Variants in PIK3CG observed in about 807,000 individuals in gnomAD.
PIK3CG encodes phosphatidylinositol 4,5-bisphosphate 3-kinase catalytic subunit gamma isoform.
Under a neutral mutation model 102.3 loss-of-function variants are expected in PIK3CG, and 55 were observed. The observed-to-expected ratio is 0.54, with a 90% CI of 0.43 to 0.67. PIK3CG has a LOEUF of 0.67. Ranked by LOEUF, PIK3CG falls within the 30% of genes least tolerant of loss-of-function variation. The probability of loss-of-function intolerance (pLI) is 0.00; values close to 1 mark genes in which losing one functional copy is unlikely to be tolerated. For missense variants in PIK3CG, 1,258 were observed against 1,391.8 expected, an observed-to-expected ratio of 0.90 and a Z score of 1.53; for synonymous variants, 552 against 540.0, an observed-to-expected ratio of 1.02 and a Z score of -0.31.
At chr7:106,881,692 C>CA (rs1041704289) in intron 6 of PIK3CG, among the ~76,000 whole-genome samples, 6 of 151,578 alleles carry the variant, frequency 4.0e-5, no homozygotes, top group Non-Finnish European at 5.9e-5. Flanking sequence ...ACTAAAAATA[C>CA]AAAAAAAATT....
rs1013668788 is a variant in PIK3CG, at chr7:106,899,309, C to T, written c.3031-5800C>T. Among the ~76,000 whole-genome samples, 1 of 152,140 alleles carries T rather than the reference C, an allele frequency of 6.6e-6. No individual in the cohort carries two copies. Among genetic ancestry groups the T allele is most frequent in the African/African-American group, 2.4e-5 (1 of 41,432 alleles). On this transcript the variant is annotated intron_variant, in intron 10 of 10. Transcript: ENST00000496166. This position sits in a 1 kb window ranked among gnomAD's most constrained non-coding sequence, Gnocchi z 4.6. Reference sequence around the variant, plus strand: ...GATATAAAATCATGTCATCTGCAAACAAAGATAGTTTGACTTCCTTTCTTC... The same window carrying T: ...GATATAAAATCATGTCATCTGCAAATAAAGATAGTTTGACTTCCTTTCTTC...
intron 10 of PIK3CG, among the ~76,000 whole-genome samples, chr7:106,898,693 G>A (rs1413478231): frequency 6.6e-6 from 1 of 152,104 alleles, no homozygotes; most frequent in East Asian, 1.9e-4. Context: ...AGTCATAGAT[G>A]TGTGGCCTTA....
At chr7:106,889,860 T>C (rs938460958) in intron 10 of PIK3CG, among the ~76,000 whole-genome samples, 3 of 152,166 alleles carry the variant, frequency 2.0e-5, no homozygotes, top group Non-Finnish European at 4.4e-5. Context: ...TATAATTAGA[T>C]AGAGAAACAC....
chr7:106,882,144 G>A lies in PIK3CG; in HGVS notation c.2566G>A (p.Glu856Lys), dbSNP rs2116537436. ...TCTACGAATCATGGAGTCTATTTGGGAGACTGAATCTTTGGATCTATGCCT... is the reference window on the plus strand; with the variant it reads ...TCTACGAATCATGGAGTCTATTTGGAAGACTGAATCTTTGGATCTATGCCT... ...QILRIMESIWETESLDLCLLP... is the reference protein window; with the variant it reads ...QILRIMESIWKTESLDLCLLP... The change falls in exon 7 of 11, where the codon GAG becomes AAG. Residue 856 changes from glutamate to lysine, a missense_variant. Glu to Lys is a moderately conservative substitution (Grantham distance 56). Coordinates refer to ENST00000496166, the MANE Select transcript of PIK3CG (RefSeq NM_001282426.2). 1 of 1,567,852 alleles carries A rather than the reference G, an allele frequency of 6.4e-7. No homozygotes were observed. Among genetic ancestry groups the A allele is most frequent in the Non-Finnish European group, 8.6e-7 (1 of 1,156,160 alleles).
In PIK3CG at chr7:106,868,665, T is replaced by G; in HGVS notation, c.1104T>G (p.Ile368Met). The change falls in exon 2 of 11, where the codon ATT (isoleucine) becomes ATG (methionine). Residue 368 changes from isoleucine to methionine, a missense_variant. By Grantham distance (10) the Ile-to-Met change is conservative. Around this residue, in one of 2 missense-constraint regions of PIK3CG, gnomAD observed 832 missense variants for 787.5 expected, o/e 1.06. Coordinates refer to ENST00000496166, the MANE Select transcript of PIK3CG (RefSeq NM_001282426.2). This position sits in a 1 kb window ranked among gnomAD's most constrained non-coding sequence, Gnocchi z 6.2. ...AGTTCAGGGTCAAGATCAGAGGCAT[T>G]GATATCCCCGTCCTGCCTCGGAACA... The part of the protein sequence containing the change: ...DRKFRVKIRG[I>M]DIPVLPRNTD... 6.2e-7 allele frequency: 1 copy of G among 1,614,226 alleles called. No homozygotes were observed. Among genetic ancestry groups the G allele is most frequent in the South Asian group, 1.1e-5 (1 of 91,086 alleles).
chr7:106,874,784 T>G lies in PIK3CG; in HGVS notation c.2372T>G (p.Leu791Arg). The change falls in exon 5 of 11, where the codon CTG becomes CGG. Residue 791 changes from leucine (L) to arginine (R), a missense_variant. Leu to Arg is a moderately radical substitution (Grantham distance 102, BLOSUM62 -2). Around this residue, in one of 2 missense-constraint regions of PIK3CG, gnomAD observed 426 missense variants for 604.2 expected, o/e 0.71. Transcript: ENST00000496166. This position sits in a 1 kb window ranked among gnomAD's most constrained non-coding sequence, Gnocchi z 4.3. ...TTTAGAGTTCCATATGATCCTGGAC[T>G]GAAAGCAGGAGCGCTGGCAGTAGGT... is the stretch of plus-strand genomic sequence containing the variant. Reference protein sequence around the residue: ...ESFRVPYDPGLKAGALAIEKC... With the variant: ...ESFRVPYDPGRKAGALAIEKC... The G allele has an allele frequency of 6.2e-7, 1 of 1,612,866 alleles. No individual in the cohort carries two copies. The highest frequency in any genetic ancestry group is 1.1e-5 in the South Asian group (1 of 90,984).
rs952660801 is a variant in PIK3CG at position 106,867,610 on chromosome 7, T to C, written c.49T>C (p.Cys17Arg). 1 of 1,608,460 alleles carries C rather than the reference T, an allele frequency of 6.2e-7. No homozygotes were observed. The highest frequency in any genetic ancestry group is 2.2e-5 in the East Asian group (1 of 44,820). ...KQPVVLREDNCRRRRRMKPRS... is the reference protein window; with the variant it reads ...KQPVVLREDNRRRRRRMKPRS... ...GCCCGTGGTGCTGAGAGAGGACAACTGCCGAAGGCGCCGGAGGATGAAGCC... is the reference window on the plus strand; with the variant it reads ...GCCCGTGGTGCTGAGAGAGGACAACCGCCGAAGGCGCCGGAGGATGAAGCC... Residue 17 changes from cysteine (C) to arginine (R), a missense_variant, in exon 2 of 11, where the codon TGC becomes CGC. By Grantham distance (180) the Cys-to-Arg change is radical. Around this residue, in one of 2 missense-constraint regions of PIK3CG, gnomAD observed 832 missense variants for 787.5 expected, o/e 1.06. Coordinates refer to ENST00000496166, the MANE Select transcript of PIK3CG (RefSeq NM_001282426.2). The surrounding 1 kb of genome is among the most constrained non-coding windows in gnomAD (Gnocchi z 5.1).
rs982301440 is a variant in PIK3CG, at chr7:106,867,813, G to T, written c.252G>T (p.Ala84=). 6.2e-7 allele frequency: 1 copy of T among 1,612,466 alleles called. No homozygotes were observed. Among genetic ancestry groups the T allele is most frequent in the Non-Finnish European group, 8.5e-7 (1 of 1,179,938 alleles). The change falls in exon 2 of 11, where the codon GCG becomes GCT. Residue 84 remains alanine, a synonymous_variant. Coordinates refer to ENST00000496166, the MANE Select transcript of PIK3CG (RefSeq NM_001282426.2). This position sits in a 1 kb window ranked among gnomAD's most constrained non-coding sequence, Gnocchi z 5.1. ...TGCGAGCGCTGGAGACCAGCGTGGC[G>T]GCGGACTTCTACCACCGGCTGGGAC... ...VWLRALETSV[A]ADFYHRLGPH...
chr7:106,867,936 G>C lies in PIK3CG; in HGVS notation c.375G>C (p.Trp125Cys). The C allele has an allele frequency of 6.2e-7, 1 of 1,613,260 alleles. No homozygotes were observed. The highest frequency in any genetic ancestry group is 8.5e-7 in the Non-Finnish European group (1 of 1,179,958). Residue 125 changes from tryptophan (W) to cysteine (C), a missense_variant, in exon 2 of 11, where the codon TGG becomes TGC. Physicochemically the swap from Trp to Cys is radical, Grantham distance 215. This residue lies in a region of PIK3CG where 832 missense variants were observed against 787.5 expected (regional missense o/e 1.06). Coordinates refer to ENST00000496166, the MANE Select transcript of PIK3CG (RefSeq NM_001282426.2). The surrounding 1 kb of genome is among the most constrained non-coding windows in gnomAD (Gnocchi z 5.1). ...VVQTLDCLRY[W>C]KATHRSPGQI... ...AGACTCTGGACTGCCTGCGCTACTG[G>C]AAGGCCACGCACCGGAGCCCGGGCC...
In PIK3CG at chr7:106,886,262, GAAGAC is replaced by G. The variant is rs1293028738; in HGVS notation, c.3004_3008del (p.Thr1002ProfsTer12). The stretch of plus-strand genomic sequence containing the variant: ...TCTTTGTGATGGGAACTTCTGGAAA[GAAGAC>G]AAGCCCACACTTCCAGAAATTTCAG... On this transcript the variant is annotated frameshift_variant, in exon 10 of 11. Transcript: ENST00000496166. LOFTEE classifies it high-confidence loss of function. 6.2e-7 allele frequency: 1 copy of G among 1,614,118 alleles called. No individual in the cohort carries two copies. Among genetic ancestry groups the G allele is most frequent in the Non-Finnish European group, 8.5e-7 (1 of 1,180,010 alleles).
In PIK3CG at chr7:106,905,630, G is replaced by T; in HGVS notation, c.*243G>T. Reference sequence around the variant, plus strand: ...TTTTTTCTCATTTGTCTGTGGCATTGGAGAATATTCTCGGTTTAAACAGAC... The same window carrying T: ...TTTTTTCTCATTTGTCTGTGGCATTTGAGAATATTCTCGGTTTAAACAGAC... On this transcript the variant is annotated 3_prime_UTR_variant, in exon 11 of 11. Coordinates refer to ENST00000496166, the MANE Select transcript of PIK3CG (RefSeq NM_001282426.2). The surrounding 1 kb of genome is among the most constrained non-coding windows in gnomAD (Gnocchi z 5.6). The T allele has an allele frequency of 3.9e-6, 2 of 509,714 alleles. No individual in the cohort carries two copies. Among genetic ancestry groups the T allele is most frequent in the South Asian group, 2.8e-5 (1 of 36,170 alleles). 31.6% of individuals were successfully genotyped at this position (509,714 alleles called of 1,614,324 possible).
Position 106,872,976 on chromosome 7 carries a change from G to A in PIK3CG, c.2287+38G>A, listed in dbSNP as rs1364082816. The A allele has an allele frequency of 3.7e-6, 5 of 1,368,510 alleles. No individual in the cohort carries two copies. The African/African-American group carries it at 7.2e-5, about 20-fold the overall frequency. The allele number at this position is 1,368,510 out of a possible 1,614,324, so 84.8% of individuals were successfully genotyped here. A position where few individuals can be genotyped will look rare whatever the true frequency, so the allele number is the denominator to read the frequency against. On this transcript the variant is annotated intron_variant, in intron 4 of 10. Transcript: ENST00000496166. This position sits in a 1 kb window ranked among gnomAD's most constrained non-coding sequence, Gnocchi z 5.3. ...TATTTTCTGTGTTCTCTTTCCAAAT[G>A]CCTTCATCTCCAAATGCCATTGTTC...
At chr7:106,885,354 T>G (rs1175835206) in intron 9 of PIK3CG, among the ~76,000 whole-genome samples, 1 of 152,146 alleles carries the variant, frequency 6.6e-6, no homozygotes, top group African/African-American at 2.4e-5. Context: ...AAAGAACTCA[T>G]AGATATCCTT....
In PIK3CG at chr7:106,877,070, G is replaced by A. The variant is rs118023529; in HGVS notation, c.2391+2267G>A. ...AAAAAATAGCCGGGCATGGTGGCACGTGCCATAGTCCCCACTACTTGGAAG... is the reference window on the plus strand; with the variant it reads ...AAAAAATAGCCGGGCATGGTGGCACATGCCATAGTCCCCACTACTTGGAAG... On this transcript the variant is annotated intron_variant, in intron 5 of 10. Transcript: ENST00000496166. The surrounding 1 kb of genome is among the most constrained non-coding windows in gnomAD (Gnocchi z 4.5). 7.9e-5 allele frequency among the ~76,000 whole-genome samples: 12 copies of A among 152,222 alleles called. No individual in the cohort carries two copies. The highest frequency in any genetic ancestry group is 1.9e-4 in the East Asian group (1 of 5,164).
At chr7:106,898,454 A>G (rs1584347552) in intron 10 of PIK3CG, among the ~76,000 whole-genome samples, 1 of 152,144 alleles carries the variant, frequency 6.6e-6, no homozygotes, top group South Asian at 2.1e-4. Context: ...ATCTTTGCCC[A>G]TTCCTACAAC....
rs1791280183 is a variant in PIK3CG at position 106,892,024 on chromosome 7, A to T, written c.3030+5732A>T. On this transcript the variant is annotated intron_variant, in intron 10 of 10. Coordinates refer to ENST00000496166, the MANE Select transcript of PIK3CG (RefSeq NM_001282426.2). This position sits in a 1 kb window ranked among gnomAD's most constrained non-coding sequence, Gnocchi z 5.2. ...CTACTCTTGGGTCCCACATTGTTTTAACTGCTTCTGTTTCAGTTTCTCCAC... is the reference window on the plus strand; with the variant it reads ...CTACTCTTGGGTCCCACATTGTTTTTACTGCTTCTGTTTCAGTTTCTCCAC... Among the ~76,000 whole-genome samples the T allele has an allele frequency of 6.6e-6, 1 of 151,782 alleles. No homozygotes were observed. The highest frequency in any genetic ancestry group is 1.9e-4 in the East Asian group (1 of 5,170).
In PIK3CG at chr7:106,893,566, A is replaced by G. The variant is rs1171805364; in HGVS notation, c.3030+7274A>G. On this transcript the variant is annotated intron_variant, in intron 10 of 10. Coordinates refer to ENST00000496166, the MANE Select transcript of PIK3CG (RefSeq NM_001282426.2). The surrounding 1 kb of genome is among the most constrained non-coding windows in gnomAD (Gnocchi z 4.4). ...GACATTGTTTACCATATTACAAAACATACTCTCTCTATTAAGATCTTCTTG... is the reference window on the plus strand; with the variant it reads ...GACATTGTTTACCATATTACAAAACGTACTCTCTCTATTAAGATCTTCTTG... 2.0e-5 allele frequency among the ~76,000 whole-genome samples: 3 copies of G among 152,232 alleles called. No homozygotes were observed. Among genetic ancestry groups the G allele is most frequent in the Non-Finnish European group, 2.9e-5 (2 of 68,036 alleles).
rs2116498035 is a variant in PIK3CG at position 106,874,699 on chromosome 7, G to C, written c.2288-1G>C. The C allele has an allele frequency of 6.3e-7, 1 of 1,599,808 alleles. No individual in the cohort carries two copies. The highest frequency in any genetic ancestry group is 8.6e-7 in the Non-Finnish European group (1 of 1,167,256). On this transcript the variant is annotated splice_acceptor_variant, in intron 4 of 10. Coordinates refer to ENST00000496166, the MANE Select transcript of PIK3CG (RefSeq NM_001282426.2). LOFTEE classifies it high-confidence loss of function. The surrounding 1 kb of genome is among the most constrained non-coding windows in gnomAD (Gnocchi z 4.3). Reference sequence around the variant, plus strand: ...CTCTTGTGTACTTTTGACAATTACAGTTATTTCACAACTTAAACAAAAGCT... The same window carrying C: ...CTCTTGTGTACTTTTGACAATTACACTTATTTCACAACTTAAACAAAAGCT...
In PIK3CG at chr7:106,883,213, T is replaced by C. The variant is rs1193589013; in HGVS notation, c.2760+50T>C. The stretch of plus-strand genomic sequence containing the variant: ...TAATGGCTCCTTACAAGTTGTCATT[T>C]ATATAGCAGTAGTGGCTTCAAGTTT... On this transcript the variant is annotated intron_variant, in intron 8 of 10. Coordinates refer to ENST00000496166, the MANE Select transcript of PIK3CG (RefSeq NM_001282426.2). The surrounding 1 kb of genome is among the most constrained non-coding windows in gnomAD (Gnocchi z 5.8). 4 of 1,596,944 alleles carry C rather than the reference T, an allele frequency of 2.5e-6. No homozygotes were observed. Among genetic ancestry groups the C allele is most frequent in the Non-Finnish European group, 3.4e-6 (4 of 1,165,168 alleles).
Sources: allele counts gnomAD v4.1 joint callset (sites outside exome capture counted in the v4.1 genomes callset), GRCh38; gene constraint gnomAD v4.1.1; regional missense constraint gnomAD v4.1.1; non-coding constraint Gnocchi (gnomAD v3.1); transcripts MANE v1.5; gene names NCBI Gene and HGNC (gene_info 2026-07-23, HGNC 2026-07-21).